MEI4: variants seen among roughly 807,000 people sequenced by gnomAD.
MEI4 encodes the protein meiotic double-stranded break formation protein 4, also known as meiosis-specific protein MEI4.
A neutral mutation model predicts 31.4 loss-of-function variants in MEI4; 27 were observed. That is an observed-to-expected ratio of 0.86 (90% CI 0.63 to 1.19). MEI4 has a LOEUF of 1.19. Ranked by LOEUF, MEI4 falls within the 50% of genes most tolerant of loss-of-function variation. MEI4 has a pLI of 0.00. For missense variants in MEI4, 329 were observed against 398.9 expected, an observed-to-expected ratio of 0.82 and a Z score of 1.49; for synonymous variants, 122 against 145.4, an observed-to-expected ratio of 0.84 and a Z score of 1.16.
chr6:77,761,752 C>T, intron 3 of MEI4, 87 bp downstream of exon 3: 1 of 945,586 alleles, frequency 1.1e-6, no homozygotes, highest in East Asian at 3.3e-5. Context: ...TGTCCCTTAG[C>T]CTTGTGGCTC....
At chr6:77,706,174 A>G (rs1044252387) in intron 2 of MEI4, among the ~76,000 whole-genome samples, 1 of 152,144 alleles carries the variant, frequency 6.6e-6, no homozygotes, top group African/African-American at 2.4e-5. Context: ...CTAGACATAA[A>G]ACCTAGAAAC....
chr6:77,820,998 C>T lies in MEI4; in HGVS notation c.769-7933C>T, dbSNP rs1769810825. Among the ~76,000 whole-genome samples, 1 of 151,928 alleles carries T rather than the reference C, an allele frequency of 6.6e-6. No individual in the cohort carries two copies. The highest frequency in any genetic ancestry group is 2.1e-4 in the South Asian group (1 of 4,822). On this transcript the variant is annotated intron_variant, in intron 3 of 4. Coordinates refer to ENST00000684080, the MANE Select transcript of MEI4 (RefSeq NM_001322247.2). This position sits in a 1 kb window ranked among gnomAD's most constrained non-coding sequence, Gnocchi z 4.5. ...TCTCTTAACCTCTACTCGTATATTG[C>T]ATGCACATCATTTCTCTTTCCTATA... is the stretch of plus-strand genomic sequence containing the variant.
At chr6:77,827,749 C>G (rs77483614) in intron 3 of MEI4, among the ~76,000 whole-genome samples, 1,845 of 152,148 alleles carry the variant, frequency 0.012, 45 homozygotes, top group African/African-American at 0.042. Flanking sequence ...CAAAAAAATT[C>G]CACTGTATTT....
intron 2 of MEI4, among the ~76,000 whole-genome samples, chr6:77,753,131 C>G (rs1477692751): frequency 6.6e-6 from 1 of 152,134 alleles, no homozygotes; most frequent in Non-Finnish European, 1.5e-5. Context: ...AAATGTAAGA[C>G]CTAAAACCAT....
At chr6:77,747,617 A>G (rs1287745861) in intron 2 of MEI4, among the ~76,000 whole-genome samples, 1 of 152,134 alleles carries the variant, frequency 6.6e-6, no homozygotes, top group Non-Finnish European at 1.5e-5. Flanking sequence ...ATACATGGGG[A>G]TTACAGTTCA....
chr6:77,889,565 T>C (rs113466431), intron 4 of MEI4, among the ~76,000 whole-genome samples: 6 of 152,246 alleles, frequency 3.9e-5, no homozygotes, highest in Admixed American at 1.3e-4. Flanking sequence ...AGCCTGACAA[T>C]GCAGTGGAAA....
At chr6:77,672,549 G>GT (rs888061738) in intron 1 of MEI4, among the ~76,000 whole-genome samples, 34 of 151,880 alleles carry the variant, frequency 2.2e-4, no homozygotes, top group East Asian at 1.2e-3. Context: ...TTATTATTTT[G>GT]TTTTTTTTGA....
At chr6:77,748,779 C>T (rs1767682680) in intron 2 of MEI4, among the ~76,000 whole-genome samples, 1 of 152,184 alleles carries the variant, frequency 6.6e-6, no homozygotes, top group Admixed American at 6.5e-5. Context: ...GAATGCTTTG[C>T]TGCTTTGAAA....
intron 3 of MEI4, among the ~76,000 whole-genome samples, chr6:77,771,837 C>T (rs1206502758): frequency 6.6e-6 from 1 of 151,972 alleles, no homozygotes; most frequent in African/African-American, 2.4e-5. Flanking sequence ...CTATTGAGCA[C>T]TGTGCTTAGA....
At chr6:77,734,394 G>T (rs968434317) in intron 2 of MEI4, among the ~76,000 whole-genome samples, 1 of 151,974 alleles carries the variant, frequency 6.6e-6, no homozygotes, top group Non-Finnish European at 1.5e-5. Flanking sequence ...TTATGTAATG[G>T]CCTTCTTTGT....
At chr6:77,753,348 A>G (rs1767829297) in intron 2 of MEI4, among the ~76,000 whole-genome samples, 1 of 152,182 alleles carries the variant, frequency 6.6e-6, no homozygotes, top group African/African-American at 2.4e-5. Flanking sequence ...TTTACAATCT[A>G]TCCATCTGAC....
At chr6:77,776,237 A>G (rs1483056) in intron 3 of MEI4, among the ~76,000 whole-genome samples, 83,287 of 151,514 alleles carry the variant, frequency 0.55, 25,079 homozygotes, top group African/African-American at 0.79. Flanking sequence ...AGTGGTAACA[A>G]TCACAGATTC....
chr6:77,915,072 T>G (rs1766514158), intron 4 of MEI4, among the ~76,000 whole-genome samples: 1 of 152,130 alleles, frequency 6.6e-6, no homozygotes. Context: ...TATTAATATG[T>G]GATGGCTTAT....
intron 3 of MEI4, 69 bp from the exon 4 acceptor site, chr6:77,828,862 T>A (rs554705225): frequency 8.7e-7 from 1 of 1,149,186 alleles, no homozygotes; most frequent in Non-Finnish European, 1.1e-6. Flanking sequence ...AGCTCAGTAG[T>A]AAGGTCTTAG....
chr6:77,737,884 G>C (rs1010100453), intron 2 of MEI4, among the ~76,000 whole-genome samples: 1 of 152,176 alleles, frequency 6.6e-6, no homozygotes, highest in African/African-American at 2.4e-5. Context: ...AGAGTAAGTG[G>C]AAATGGTGAA....
intron 2 of MEI4, among the ~76,000 whole-genome samples, chr6:77,730,074 C>T (rs533510507): frequency 6.6e-6 from 1 of 152,072 alleles, no homozygotes; most frequent in South Asian, 2.1e-4. Flanking sequence ...GGCAAATTCT[C>T]TTGGAGAAAG....
At chr6:77,792,310 T>C (rs1008602699) in intron 3 of MEI4, among the ~76,000 whole-genome samples, 1 of 152,184 alleles carries the variant, frequency 6.6e-6, no homozygotes, top group African/African-American at 2.4e-5. Context: ...TGGGATATAT[T>C]CCCAGGTGTG....
Position 77,923,011 on chromosome 6 carries a change from ACT to A in MEI4, c.901-75_901-74del. ...TTCAAATATATTTCGTTTGCCTGAA[ACT>A]CTGATATCTTTATATGACATTTTTC... On this transcript the variant is annotated intron_variant, in intron 4 of 4. Transcript: ENST00000684080. The A allele has an allele frequency of 3.4e-6, 3 of 878,690 alleles. No homozygotes were observed. In the South Asian group the frequency reaches 1.8e-4, roughly 51 times the overall value. The allele number at this position is 878,690 out of a possible 1,614,324, so 54.4% of individuals were successfully genotyped here.
chr6:77,794,618 T>C (rs1769030862), intron 3 of MEI4, among the ~76,000 whole-genome samples: 1 of 151,702 alleles, frequency 6.6e-6, no homozygotes, highest in African/African-American at 2.4e-5. Flanking sequence ...GTTACAAATA[T>C]TAACAAAACT....
Sources: gnomAD v4.1 joint callset for allele counts (sites outside exome capture counted in the v4.1 genomes callset) on GRCh38, gnomAD v4.1.1 for gene constraint, Gnocchi (gnomAD v3.1) non-coding constraint, MANE v1.5 for transcripts, NCBI Gene and HGNC (gene_info 2026-07-23, HGNC 2026-07-21) for gene names.